The following BRSK1 variants were observed in gnomAD, a reference collection of about 807,000 sequenced individuals.
BRSK1 encodes the protein serine/threonine-protein kinase BRSK1.
BRSK1 carries 17 observed loss-of-function variants against 86.2 expected under a neutral mutation model. That is an observed-to-expected ratio of 0.20 (90% CI 0.14 to 0.30). BRSK1 has a LOEUF of 0.30. Ranked by LOEUF, BRSK1 falls within the 10% of genes least tolerant of loss-of-function variation. The pLI is 1.00. For missense variants in BRSK1, 719 were observed against 1,071.9 expected, an observed-to-expected ratio of 0.67 and a Z score of 4.60; for synonymous variants, 464 against 440.1, an observed-to-expected ratio of 1.05 and a Z score of -0.68.
chr19:55,288,479 A>G (rs1020639176), intron 3 of BRSK1, among the ~76,000 whole-genome samples: 1 of 151,410 alleles, frequency 6.6e-6, no homozygotes, highest in African/African-American at 2.4e-5. Context: ...GTCTCAAAAA[A>G]AAAAAAAAAA....
chr19:55,289,038 G>A (rs1211878872), intron 3 of BRSK1, among the ~76,000 whole-genome samples: 3 of 152,166 alleles, frequency 2.0e-5, no homozygotes, highest in Admixed American at 6.5e-5. Flanking sequence ...TAGAGGCTTG[G>A]CTTTCTAGGG....
Position 55,306,320 on chromosome 19 carries a change from C to A in BRSK1, c.1959C>A (p.Gly653=). 1.2e-6 allele frequency: 2 copies of A among 1,614,100 alleles called. No homozygotes were observed. The highest frequency in any genetic ancestry group is 1.7e-6 in the Non-Finnish European group (2 of 1,180,032). The change falls in exon 17 of 19, where the codon GGC becomes GGA. Residue 653 remains glycine, a synonymous_variant. Transcript: ENST00000309383. This position sits in a 1 kb window ranked among gnomAD's most constrained non-coding sequence, Gnocchi z 4.7. Reference sequence around the variant, plus strand: ...GGGCCGAGTACAAGGCCAGTGGCGGCCCCTCCGTCTTCCAAAAGCCCGTCC... The same window carrying A: ...GGGCCGAGTACAAGGCCAGTGGCGGACCCTCCGTCTTCCAAAAGCCCGTCC... ...SFRAEYKASG[G]PSVFQKPVRF...
chr19:55,305,616 G>A (rs137976360), intron 16 of BRSK1, 30 bp downstream of exon 16: 90 of 1,613,272 alleles, frequency 5.6e-5, no homozygotes, highest in Non-Finnish European at 7.2e-5. Context: ...ATCGAGCCTG[G>A]CCCCCGCAGA....
intron 7 of BRSK1, among the ~76,000 whole-genome samples, chr19:55,296,725 G>A (rs2088493631): frequency 6.6e-6 from 1 of 152,314 alleles, no homozygotes; most frequent in South Asian, 2.1e-4. Context: ...GCGGGCGCCT[G>A]TAGTCCCAGC....
At chr19:55,305,991 TGTG>T (rs1278212647) in intron 16 of BRSK1, among the ~76,000 whole-genome samples, 3 of 152,226 alleles carry the variant, frequency 2.0e-5, no homozygotes, top group Non-Finnish European at 2.9e-5. Context: ...CAGTGTTTCA[TGTG>T]GTCTTGGAGT....
At chr19:55,298,209 CTTTTTTTTTTTTTTT>C (rs71181751) in intron 7 of BRSK1, among the ~76,000 whole-genome samples, 2 of 69,622 alleles carry the variant, frequency 2.9e-5, no homozygotes, top group Admixed American at 3.7e-4. Flanking sequence ...TTTGTTTCTT[CTTTTTTTTTTTTTTT>C]TTTTTTTTTT....
chr19:55,301,689 GA>G lies in BRSK1; in HGVS notation c.825+33del, dbSNP rs753485502. 5 of 1,552,232 alleles carry G rather than the reference GA, an allele frequency of 3.2e-6. No homozygotes were observed. In the South Asian group the frequency reaches 5.6e-5, roughly 17 times the overall value. ...TTGAGGGGGGGACCGGCGGAGGGGG[GA>G]ACAGTGGCCGATGAAGACAGAACCC... On this transcript the variant is annotated intron_variant, in intron 8 of 18. Coordinates refer to ENST00000309383, the MANE Select transcript of BRSK1 (RefSeq NM_032430.2).
Position 55,304,621 on chromosome 19 carries a change from C to G in BRSK1, c.1418C>G (p.Ser473Cys), listed in dbSNP as rs760614715. The change falls in exon 14 of 19, where the codon TCC becomes TGC. Residue 473 changes from serine (S) to cysteine (C), a missense_variant. Physicochemically the swap from Ser to Cys is moderately radical, Grantham distance 112. Transcript: ENST00000309383. This position sits in a 1 kb window ranked among gnomAD's most constrained non-coding sequence, Gnocchi z 5.2. ...GCTCGAGGCGGGGGCTCCCCGACTT[C>G]CAAAACGCAGACGCTGCCTTCTCGG... ...DEARGGGSPT[S>C]KTQTLPSRGP... is the part of the protein sequence containing the mutation. 6.4e-7 allele frequency: 1 copy of G among 1,552,934 alleles called. No homozygotes were observed. Among genetic ancestry groups the G allele is most frequent in the East Asian group, 2.3e-5 (1 of 43,232 alleles).
intron 7 of BRSK1, among the ~76,000 whole-genome samples, chr19:55,300,190 G>A (rs2088550185): frequency 6.6e-6 from 1 of 152,180 alleles, no homozygotes; most frequent in East Asian, 1.9e-4. Flanking sequence ...CTTCATGGCT[G>A]GTGGCTACGT....
At chr19:55,299,547 G>A (rs917755534) in intron 7 of BRSK1, among the ~76,000 whole-genome samples, 2 of 151,772 alleles carry the variant, frequency 1.3e-5, no homozygotes, top group Admixed American at 1.3e-4. Context: ...CACTTTGCCC[G>A]GCTAAATTTT....
chr19:55,306,492 C>T lies in BRSK1; in HGVS notation c.2089+42C>T. ...GGCTGCCTGCAGCCCAGTGCTGGGA[C>T]TGTTCACGACAGCTGAGACAGTGTA... is the stretch of plus-strand genomic sequence containing the variant. On this transcript the variant is annotated intron_variant, in intron 17 of 18. Coordinates refer to ENST00000309383, the MANE Select transcript of BRSK1 (RefSeq NM_032430.2). The surrounding 1 kb of genome is among the most constrained non-coding windows in gnomAD (Gnocchi z 4.7). 1 of 1,600,972 alleles carries T rather than the reference C, an allele frequency of 6.2e-7. No individual in the cohort carries two copies. The highest frequency in any genetic ancestry group is 8.5e-7 in the Non-Finnish European group (1 of 1,175,402).
rs944312011 is a variant in BRSK1 at position 55,302,997 on chromosome 19, G to A, written c.1028+130G>A. On this transcript the variant is annotated intron_variant, in intron 10 of 18. Transcript: ENST00000309383. This position sits in a 1 kb window ranked among gnomAD's most constrained non-coding sequence, Gnocchi z 6.3. ...GGCATGGTTTGAAGCTCCCGCCTGG[G>A]AGTGATGGAACCAGCGGAGAAAACG... 12 of 1,267,326 alleles carry A rather than the reference G, an allele frequency of 9.5e-6. No homozygotes were observed. Among genetic ancestry groups the A allele is most frequent in the African/African-American group, 4.5e-5 (3 of 65,966 alleles). 78.5% of individuals were successfully genotyped at this position (1,267,326 alleles called of 1,614,324 possible).
rs1430682783 is a variant in BRSK1, at chr19:55,289,363, C to G, written c.318-117C>G. The G allele has an allele frequency of 2.4e-6, 3 of 1,265,928 alleles. No individual in the cohort carries two copies. In the African/African-American group the frequency reaches 4.5e-5, roughly 19 times the overall value. The allele number at this position is 1,265,928 out of a possible 1,614,324, so 78.4% of individuals were successfully genotyped here. On this transcript the variant is annotated intron_variant, in intron 3 of 18. Transcript: ENST00000309383. ...CCCATGGGAATTGGAGTCTCTTTCT[C>G]CCAAGGATCATGGGAATTGGAGTTC...
chr19:55,284,174 G>A lies in BRSK1; in HGVS notation c.-269G>A. The stretch of plus-strand genomic sequence containing the variant: ...GGGAGGCGCAGGAAGCGGGGGGCCG[G>A]CCAGAAACGGGCTGGGGAGGGGGGG... On this transcript the variant is annotated 5_prime_UTR_variant, in exon 1 of 19. Coordinates refer to ENST00000309383, the MANE Select transcript of BRSK1 (RefSeq NM_032430.2). 2.4e-6 allele frequency: 2 copies of A among 821,510 alleles called. No individual in the cohort carries two copies. The highest frequency in any genetic ancestry group is 3.2e-6 in the Non-Finnish European group (2 of 620,616). The allele number at this position is 821,510 out of a possible 1,614,324, so 50.9% of individuals were successfully genotyped here.
intron 3 of BRSK1, among the ~76,000 whole-genome samples, chr19:55,288,885 A>G (rs746559776): frequency 6.6e-6 from 1 of 152,148 alleles, no homozygotes; most frequent in Non-Finnish European, 1.5e-5. Context: ...GTGTCTGGCC[A>G]GAAGTGGGGG....
Position 55,301,455 on chromosome 19 carries a change from G to A in BRSK1, c.679-57G>A, listed in dbSNP as rs184817120. 8.0e-4 allele frequency: 1,272 copies of A among 1,582,100 alleles called. 4 individuals carry two copies. Among genetic ancestry groups the A allele is most frequent in the Non-Finnish European group, 9.9e-4 (1,146 of 1,162,972 alleles). The stretch of plus-strand genomic sequence containing the variant: ...AGATCACCGTAGTTCCCCACCTCCA[G>A]TGCTTGTGGTGAGGGTGAAATGTGC... On this transcript the variant is annotated intron_variant, in intron 7 of 18. Coordinates refer to ENST00000309383, the MANE Select transcript of BRSK1 (RefSeq NM_032430.2).
intron 4 of BRSK1, 76 bp from the exon 5 acceptor site, chr19:55,293,941 A>T: frequency 7.9e-7 from 1 of 1,272,324 alleles, no homozygotes; most frequent in Non-Finnish European, 1.1e-6. Flanking sequence ...GAAGTGTTCC[A>T]CTGTGAGAGC....
Position 55,302,049 on chromosome 19 carries a change from G to C in BRSK1, c.826-88G>C. The C allele has an allele frequency of 6.8e-7, 1 of 1,466,640 alleles. No homozygotes were observed. The highest frequency in any genetic ancestry group is 2.3e-5 in the East Asian group (1 of 44,156). The allele number at this position is 1,466,640 out of a possible 1,614,324, so 90.9% of individuals were successfully genotyped here. A position where few individuals can be genotyped will look rare whatever the true frequency, so the allele number is the denominator to read the frequency against. ...TGGGGTGGGCGGGGAGATGATCAGG[G>C]ACCCCAAAACCACCCCAGTCTTTCA... On this transcript the variant is annotated intron_variant, in intron 8 of 18. Coordinates refer to ENST00000309383, the MANE Select transcript of BRSK1 (RefSeq NM_032430.2). The surrounding 1 kb of genome is among the most constrained non-coding windows in gnomAD (Gnocchi z 6.3).
At position 55,294,150 on chromosome 19, in the gene BRSK1, C is replaced by A. The variant is rs371209071; in HGVS notation, c.575+17C>A. ...CAGCTGCGGGTGAGTGGGGACTGGG[C>A]TCCCGAGACCCTGGGCAGGGGTTTA... is the stretch of plus-strand genomic sequence containing the variant. On this transcript the variant is annotated intron_variant, in intron 5 of 18. Coordinates refer to ENST00000309383, the MANE Select transcript of BRSK1 (RefSeq NM_032430.2). This position sits in a 1 kb window ranked among gnomAD's most constrained non-coding sequence, Gnocchi z 4.9. The A allele has an allele frequency of 1.2e-6, 2 of 1,611,138 alleles. No homozygotes were observed. Among genetic ancestry groups the A allele is most frequent in the African/African-American group, 1.3e-5 (1 of 74,866 alleles).
Sources: allele counts gnomAD v4.1 joint callset (sites outside exome capture counted in the v4.1 genomes callset), GRCh38; gene constraint gnomAD v4.1.1; non-coding constraint Gnocchi (gnomAD v3.1); transcripts MANE v1.5; gene names NCBI Gene and HGNC (gene_info 2026-07-23, HGNC 2026-07-21).